The following ARID3A variants were observed in gnomAD, a reference collection of about 807,000 sequenced individuals.
ARID3A encodes the protein AT-rich interaction domain 3A.
In ARID3A, 11 loss-of-function variants were observed where a neutral mutation model predicts 52.7. That is an observed-to-expected ratio of 0.21 (90% CI 0.13 to 0.35). ARID3A has a LOEUF of 0.35. ARID3A is among the 10% of genes least tolerant of loss of function. The pLI is 1.00. For missense variants in ARID3A, 721 were observed against 838.5 expected (o/e 0.86, Z 1.73); for synonymous variants, 404 against 359.4 (o/e 1.12, Z -1.40).
intron 3 of ARID3A, among the ~76,000 whole-genome samples, chr19:950,807 CA>C (rs2037788984): frequency 6.6e-6 from 1 of 151,980 alleles, no homozygotes; most frequent in Admixed American, 6.6e-5. Context: ...GTAGGAGTCA[CA>C]GTGAATTAGT....
At chr19:954,345 CCA>C (rs1166229501) in intron 3 of ARID3A, among the ~76,000 whole-genome samples, 1 of 152,172 alleles carries the variant, frequency 6.6e-6, no homozygotes, top group Non-Finnish European at 1.5e-5. Context: ...AATTAGGGGT[CCA>C]CACCTTCCAT....
chr19:941,342 C>T lies in ARID3A; in HGVS notation c.693+8600C>T, dbSNP rs1009063972. Among the ~76,000 whole-genome samples, 2 of 152,220 alleles carry T rather than the reference C, an allele frequency of 1.3e-5. No homozygotes were observed. Among genetic ancestry groups the T allele is most frequent in the African/African-American group, 2.4e-5 (1 of 41,464 alleles). On this transcript the variant is annotated intron_variant, in intron 3 of 8. Transcript: ENST00000263620. This position sits in a 1 kb window ranked among gnomAD's most constrained non-coding sequence, Gnocchi z 6.9. ...AATCTTGCTCCAGACACAGCATCTT[C>T]GGACCCTCCAAGGCCTCTGCCCACC...
intron 3 of ARID3A, among the ~76,000 whole-genome samples, chr19:936,512 C>G (rs1287924701): frequency 1.3e-5 from 2 of 152,090 alleles, no homozygotes; most frequent in African/African-American, 2.4e-5. Flanking sequence ...CCACCACACT[C>G]CAGCTTGGTG....
intron 4 of ARID3A, among the ~76,000 whole-genome samples, chr19:962,899 C>T (rs1044421966): frequency 1.3e-5 from 2 of 152,156 alleles, no homozygotes; most frequent in East Asian, 1.9e-4. Context: ...GGCAGGTTTC[C>T]GGGCCGATCC....
chr19:974,956 G>T lies in ARID3A; in HGVS notation c.*2891G>T, dbSNP rs2038350826. 4.3e-6 allele frequency: 1 copy of T among 230,928 alleles called. No homozygotes were observed. Among genetic ancestry groups the T allele is most frequent in the South Asian group, 1.8e-4 (1 of 5,516 alleles). 14.3% of individuals were successfully genotyped at this position (230,928 alleles called of 1,614,324 possible). ...GGCCATGCTGGCCGTGGAAATGGGA[G>T]GCGGTTGCAGAGGGTCTATGGGGCC... On this transcript the variant is annotated 3_prime_UTR_variant, in exon 9 of 9. Coordinates refer to ENST00000263620, the MANE Select transcript of ARID3A (RefSeq NM_005224.3).
rs2037351942 is a variant in ARID3A, at chr19:932,461, G to A, written c.412G>A (p.Glu138Lys). The A allele has an allele frequency of 6.3e-7, 1 of 1,584,876 alleles. No homozygotes were observed. The highest frequency in any genetic ancestry group is 8.5e-7 in the Non-Finnish European group (1 of 1,172,282). The stretch of plus-strand genomic sequence containing the variant: ...GGAGGAGATGGAGGAAGACCTCGGG[G>A]AGGATGAGGAGGAGGAGGAGGAGGA... ...EEEEMEEDLG[E>K]DEEEEEEDYE... The change falls in exon 3 of 9, where the codon GAG (glutamate) becomes AAG (lysine). Residue 138 changes from glutamate to lysine, a missense_variant. Glu to Lys is a moderately conservative substitution (Grantham distance 56). Coordinates refer to ENST00000263620, the MANE Select transcript of ARID3A (RefSeq NM_005224.3).
intron 3 of ARID3A, among the ~76,000 whole-genome samples, chr19:934,112 G>C (rs980037915): frequency 6.6e-6 from 1 of 152,132 alleles, no homozygotes; most frequent in Non-Finnish European, 1.5e-5. Context: ...CCATCTGCCC[G>C]GGACTCAGCC....
At chr19:933,023 G>A (rs1387234429) in intron 3 of ARID3A, among the ~76,000 whole-genome samples, 1 of 152,168 alleles carries the variant, frequency 6.6e-6, no homozygotes, top group African/African-American at 2.4e-5. Flanking sequence ...GGCAGAGATG[G>A]AAAGGTGGGC....
Position 929,511 on chromosome 19 carries a change from G to A in ARID3A, c.-18G>A. The stretch of plus-strand genomic sequence containing the variant: ...TGGTGGTGGTGGTGGTGGTGGTGGT[G>A]GCCCGGGCCGCAGGGCCATGAAACT... On this transcript the variant is annotated 5_prime_UTR_variant, in exon 2 of 9. Coordinates refer to ENST00000263620, the MANE Select transcript of ARID3A (RefSeq NM_005224.3). This position sits in a 1 kb window ranked among gnomAD's most constrained non-coding sequence, Gnocchi z 6.2. The A allele has an allele frequency of 6.7e-7, 1 of 1,502,856 alleles. No individual in the cohort carries two copies. The highest frequency in any genetic ancestry group is 2.1e-5 in the Admixed American group (1 of 48,762). The allele number at this position is 1,502,856 out of a possible 1,614,324, so 93.1% of individuals were successfully genotyped here. A position where few individuals can be genotyped will look rare whatever the true frequency, so the allele number is the denominator to read the frequency against.
intron 8 of ARID3A, 159 bp downstream of exon 8, chr19:968,662 G>C: frequency 3.2e-6 from 2 of 630,268 alleles, no homozygotes; most frequent in Non-Finnish European, 5.6e-6. Flanking sequence ...AAGACTGATG[G>C]AGAGGATACC....
chr19:926,317 T>G, intron 1 of ARID3A, among the ~76,000 whole-genome samples: 2 of 150,346 alleles, frequency 1.3e-5, no homozygotes, highest in African/African-American at 2.4e-5. Context: ...TTGGTGGGGG[T>G]CCCGGACTGG....
rs561788260 is a variant in ARID3A at position 973,405 on chromosome 19, C to G, written c.*1340C>G. On this transcript the variant is annotated 3_prime_UTR_variant, in exon 9 of 9. Transcript: ENST00000263620. ...CTGGGATTACAGGCATGAGCCGCCA[C>G]GCTGGCCCGGTCTGGAAATCTTATC... 53 of 191,658 alleles carry G rather than the reference C, an allele frequency of 2.8e-4. No homozygotes were observed. The highest frequency in any genetic ancestry group is 4.6e-4 in the Non-Finnish European group (42 of 91,442). 11.9% of individuals were successfully genotyped at this position (191,658 alleles called of 1,614,324 possible).
At chr19:945,820 C>A (rs1324485205) in intron 3 of ARID3A, among the ~76,000 whole-genome samples, 3 of 152,186 alleles carry the variant, frequency 2.0e-5, no homozygotes, top group Admixed American at 1.3e-4. Flanking sequence ...TGCTGGGCTG[C>A]GTTTCTGTTC....
At chr19:946,483 C>T (rs1380108355) in intron 3 of ARID3A, among the ~76,000 whole-genome samples, 1 of 147,264 alleles carries the variant, frequency 6.8e-6, no homozygotes, top group African/African-American at 2.5e-5. Context: ...CACTGTCTCC[C>T]AGGCTAGAGT....
intron 3 of ARID3A, among the ~76,000 whole-genome samples, chr19:957,290 G>C (rs1011992133): frequency 2.0e-5 from 3 of 152,186 alleles, no homozygotes; most frequent in African/African-American, 7.2e-5. Flanking sequence ...CTCCAGGTGC[G>C]GGGAAGCCAG....
intron 3 of ARID3A, among the ~76,000 whole-genome samples, chr19:948,120 G>A (rs111642356): frequency 0.02 from 3,108 of 152,094 alleles, 77 homozygotes; most frequent in Admixed American, 0.078. Flanking sequence ...GGTCGGTCGG[G>A]GCCGCCTGTC....
intron 3 of ARID3A, among the ~76,000 whole-genome samples, chr19:945,964 G>A (rs2037670581): frequency 6.6e-6 from 1 of 152,178 alleles, no homozygotes; most frequent in Admixed American, 6.5e-5. Context: ...GGAACCCCAG[G>A]ACGGAGTTAA....
At chr19:937,176 A>G (rs2037453996) in intron 3 of ARID3A, among the ~76,000 whole-genome samples, 1 of 151,928 alleles carries the variant, frequency 6.6e-6, no homozygotes, top group South Asian at 2.1e-4. Context: ...TTGAGACAGA[A>G]CCGCTTGAAC....
intron 3 of ARID3A, among the ~76,000 whole-genome samples, chr19:936,755 T>G (rs2037447299): frequency 6.6e-6 from 1 of 151,948 alleles, no homozygotes; most frequent in African/African-American, 2.4e-5. Context: ...GGCAGGGGAA[T>G]CACTTGAACT....
Sources: gnomAD v4.1 joint callset for allele counts (sites outside exome capture counted in the v4.1 genomes callset) on GRCh38, gnomAD v4.1.1 for gene constraint, Gnocchi (gnomAD v3.1) non-coding constraint, MANE v1.5 for transcripts, NCBI Gene and HGNC (gene_info 2026-07-23, HGNC 2026-07-21) for gene names.